GRK2: variants seen among roughly 807,000 people sequenced by gnomAD.
GRK2 encodes the protein G protein-coupled receptor kinase 2.
A neutral mutation model predicts 97.8 loss-of-function variants in GRK2; 23 were observed. The ratio of observed to expected loss-of-function variants is 0.24; its 90% confidence interval spans 0.17 to 0.33. GRK2 has a LOEUF of 0.33. GRK2 is among the 10% of genes least tolerant of loss of function. The pLI is 1.00. For synonymous variants in GRK2, 425 were observed against 381.7 expected (o/e 1.11, Z -1.32); for missense variants, 633 against 956.9 (o/e 0.66, Z 4.47).
In GRK2 at chr11:67,282,823, G is replaced by T; in HGVS notation, c.1227+5G>T. 6.2e-7 allele frequency: 1 copy of T among 1,606,538 alleles called. No individual in the cohort carries two copies. ...GACCGCATGACGCTGACGATGGTGG[G>T]TGCAGGTCTCAGTGCAGGGCCGCAG... On this transcript the variant is annotated splice_donor_5th_base_variant and intron_variant, in intron 14 of 20. Transcript: ENST00000308595. The surrounding 1 kb of genome is among the most constrained non-coding windows in gnomAD (Gnocchi z 6.9).
In GRK2 at chr11:67,284,284, C is replaced by A. The variant is rs758669214; in HGVS notation, c.1565C>A (p.Ala522Glu). ...TISERWQQEV[A>E]ETVFDTINAE... ...TCGGAGCGGTGGCAGCAGGAGGTGG[C>A]AGAGACTGTCTTCGACACCATCAAC... Residue 522 changes from alanine to glutamate, a missense_variant, in exon 18 of 21, where the codon GCA (alanine) becomes GAA (glutamate). By Grantham distance (107) the Ala-to-Glu change is moderately radical. Transcript: ENST00000308595. The A allele has an allele frequency of 6.2e-7, 1 of 1,613,356 alleles. No individual in the cohort carries two copies. The highest frequency in any genetic ancestry group is 1.3e-5 in the African/African-American group (1 of 74,928).
At chr11:67,268,900 C>T (rs964887606) in intron 1 of GRK2, among the ~76,000 whole-genome samples, 9 of 152,258 alleles carry the variant, frequency 5.9e-5, no homozygotes, top group African/African-American at 1.9e-4. Context: ...CCATGCAGTC[C>T]TGAGCAGAAA....
chr11:67,271,195 G>A (rs796974005), intron 1 of GRK2, among the ~76,000 whole-genome samples: 14 of 152,266 alleles, frequency 9.2e-5, no homozygotes, highest in African/African-American at 3.4e-4. Flanking sequence ...CCTACTCCCC[G>A]CCGGCTCCCC....
Position 67,273,277 on chromosome 11 carries a change from C to T in GRK2, c.114-3995C>T, listed in dbSNP as rs564461737. Among the ~76,000 whole-genome samples, 35 of 152,352 alleles carry T rather than the reference C, an allele frequency of 2.3e-4. 1 individual carries two copies. In the South Asian group the frequency reaches 5.8e-3, roughly 25 times the overall value. On this transcript the variant is annotated intron_variant, in intron 1 of 20. Transcript: ENST00000308595. ...TGCCCAAAGGTGTTGGGAACCTTAG[C>T]GTCCTTCCATCTGGGACTGTTGAGG...
chr11:67,277,247 C>G, intron 1 of GRK2, 25 bp from the exon 2 acceptor site: 1 of 1,612,134 alleles, frequency 6.2e-7, no homozygotes, highest in South Asian at 1.1e-5. Flanking sequence ...GGGGCTTCTG[C>G]TTACTGCGCC....
Position 67,266,781 on chromosome 11 carries a change from GC to G in GRK2, c.84del (p.Ser29AlafsTer25). 1 of 1,363,956 alleles carries G rather than the reference GC, an allele frequency of 7.3e-7. No homozygotes were observed. The highest frequency in any genetic ancestry group is 1.8e-5 in the South Asian group (1 of 57,016). The allele number at this position is 1,363,956 out of a possible 1,614,324, so 84.5% of individuals were successfully genotyped here. On this transcript the variant is annotated frameshift_variant, in exon 1 of 21. Coordinates refer to ENST00000308595, the MANE Select transcript of GRK2 (RefSeq NM_001619.5). LOFTEE classifies it high-confidence loss of function. ...GAGCAAGGCCACGCCGGCCGCGCGC[GC>G]CAGCAAGAAGATCCTGCTGCCCGAG... is the stretch of plus-strand genomic sequence containing the variant. Reference protein sequence around the residue: ...EKSKATPAARASKKILLPEPS... With the variant: ...EKSKATPAARXSKKILLPEPS...
chr11:67,280,873 G>T, intron 7 of GRK2, 90 bp downstream of exon 7: 2 of 1,451,598 alleles, frequency 1.4e-6, no homozygotes, highest in Non-Finnish European at 1.9e-6. Flanking sequence ...GGAGGGGGAG[G>T]TCAGGGGATG....
chr11:67,275,250 G>C (rs931834938), intron 1 of GRK2, among the ~76,000 whole-genome samples: 1 of 152,192 alleles, frequency 6.6e-6, no homozygotes, highest in African/African-American at 2.4e-5. Context: ...TGGAAGGACA[G>C]TGCCCAGTGG....
intron 17 of GRK2, 50 bp from the exon 18 acceptor site, chr11:67,284,161 T>G (rs758581118): frequency 6.2e-7 from 1 of 1,607,252 alleles, no homozygotes; most frequent in East Asian, 2.2e-5. Context: ...CTGATGGTAT[T>G]CCGGCATCTC....
intron 1 of GRK2, among the ~76,000 whole-genome samples, chr11:67,268,919 G>A (rs957060885): frequency 6.6e-6 from 1 of 152,246 alleles, no homozygotes; most frequent in Non-Finnish European, 1.5e-5. Flanking sequence ...AACAAGGTTG[G>A]ATAGGATTCT....
chr11:67,281,120 C>T lies in GRK2; in HGVS notation c.583C>T (p.Arg195Cys), dbSNP rs1860139566. The change falls in exon 8 of 21, where the codon CGC becomes TGC. Residue 195 changes from arginine (R) to cysteine (C), a missense_variant. Arg to Cys is a radical substitution (Grantham distance 180). This residue lies in a region of GRK2 where 192 missense variants were observed against 362.3 expected (regional missense o/e 0.53). Coordinates refer to ENST00000308595, the MANE Select transcript of GRK2 (RefSeq NM_001619.5). This position sits in a 1 kb window ranked among gnomAD's most constrained non-coding sequence, Gnocchi z 5.7. ...GACCATGAATGACTTCAGCGTGCAT[C>T]GCATCATTGGGCGCGGGGGCTTTGG... The part of the protein sequence containing the change: ...HLTMNDFSVH[R>C]IIGRGGFGEV... 1 of 1,613,288 alleles carries T rather than the reference C, an allele frequency of 6.2e-7. No homozygotes were observed. Among genetic ancestry groups the T allele is most frequent in the African/African-American group, 1.3e-5 (1 of 74,898 alleles).
intron 1 of GRK2, among the ~76,000 whole-genome samples, chr11:67,274,290 C>T (rs958296154): frequency 6.6e-6 from 1 of 151,826 alleles, no homozygotes; most frequent in African/African-American, 2.4e-5. Context: ...GGATTACAGG[C>T]GTGAGCCACC....
rs1359645273 is a variant in GRK2 at position 67,269,461 on chromosome 11, AC to A, written c.113+2653del. Among the ~76,000 whole-genome samples, 1 of 151,166 alleles carries A rather than the reference AC, an allele frequency of 6.6e-6. No individual in the cohort carries two copies. Among genetic ancestry groups the A allele is most frequent in the Non-Finnish European group, 1.5e-5 (1 of 67,832 alleles). ...TTGCTGTGCTTTATCCCCTCCACCC[AC>A]CCCTGCACACCACTGTTCTCGCCTC... On this transcript the variant is annotated intron_variant, in intron 1 of 20. Coordinates refer to ENST00000308595, the MANE Select transcript of GRK2 (RefSeq NM_001619.5). This position sits in a 1 kb window ranked among gnomAD's most constrained non-coding sequence, Gnocchi z 4.1.
intron 6 of GRK2, 59 bp from the exon 7 acceptor site, chr11:67,280,670 CACG>C (rs1397568283): frequency 3.8e-6 from 6 of 1,598,776 alleles, no homozygotes; most frequent in Non-Finnish European, 5.1e-6. Flanking sequence ...TGGGGAGGCT[CACG>C]ACAGCATCAT....
chr11:67,282,131 A>G lies in GRK2; in HGVS notation c.958-140A>G. 1 of 1,202,600 alleles carries G rather than the reference A, an allele frequency of 8.3e-7. No homozygotes were observed. The highest frequency in any genetic ancestry group is 1.2e-6 in the Non-Finnish European group (1 of 841,486). 74.5% of individuals were successfully genotyped at this position (1,202,600 alleles called of 1,614,324 possible). A position where few individuals can be genotyped will look rare whatever the true frequency, so the allele number is the denominator to read the frequency against. On this transcript the variant is annotated intron_variant, in intron 11 of 20. Coordinates refer to ENST00000308595, the MANE Select transcript of GRK2 (RefSeq NM_001619.5). The surrounding 1 kb of genome is among the most constrained non-coding windows in gnomAD (Gnocchi z 6.9). Reference sequence around the variant, plus strand: ...CTCTGGGTCCAGGTTGTAGCTGGGGACAGGAGAGAGGACCCCCACCTTTGC... The same window carrying G: ...CTCTGGGTCCAGGTTGTAGCTGGGGGCAGGAGAGAGGACCCCCACCTTTGC...
intron 1 of GRK2, among the ~76,000 whole-genome samples, chr11:67,273,846 G>A (rs1859963928): frequency 6.6e-6 from 1 of 152,062 alleles, no homozygotes; most frequent in Non-Finnish European, 1.5e-5. Context: ...GCTGACAGCA[G>A]AGCCCCTGGG....
At chr11:67,283,311 C>T in intron 15 of GRK2, 83 bp downstream of exon 15, 2 of 1,258,046 alleles carry the variant, frequency 1.6e-6, no homozygotes, top group East Asian at 2.3e-5. Context: ...GGAACCCCCT[C>T]CAAGGTCCCA....
At position 67,286,292 on chromosome 11, in the gene GRK2, C is replaced by A. The variant is rs933389213; in HGVS notation, c.*842C>A. On this transcript the variant is annotated 3_prime_UTR_variant, in exon 21 of 21. Transcript: ENST00000308595. ...GGCTGGGGCCTATCAGTGTGCCCCCCATCCTGGCCCATCAGTGTACCCCCG... is the reference window on the plus strand; with the variant it reads ...GGCTGGGGCCTATCAGTGTGCCCCCAATCCTGGCCCATCAGTGTACCCCCG... 4 of 642,632 alleles carry A rather than the reference C, an allele frequency of 6.2e-6. No individual in the cohort carries two copies. Among genetic ancestry groups the A allele is most frequent in the Non-Finnish European group, 1.1e-5 (4 of 359,076 alleles). 39.8% of individuals were successfully genotyped at this position (642,632 alleles called of 1,614,324 possible). A position where few individuals can be genotyped will look rare whatever the true frequency, so the allele number is the denominator to read the frequency against.
intron 5 of GRK2, 57 bp downstream of exon 5, chr11:67,279,757 C>T (rs989572032): frequency 6.2e-6 from 10 of 1,612,842 alleles, no homozygotes; most frequent in South Asian, 5.5e-5. Flanking sequence ...CCCTGGTCAA[C>T]AAGCCTGGTC....
Sources: allele counts gnomAD v4.1 joint callset (sites outside exome capture counted in the v4.1 genomes callset), GRCh38; gene constraint gnomAD v4.1.1; regional missense constraint gnomAD v4.1.1; non-coding constraint Gnocchi (gnomAD v3.1); transcripts MANE v1.5; gene names NCBI Gene and HGNC (gene_info 2026-07-23, HGNC 2026-07-21).